Variants in NOTCH1 observed in about 807,000 individuals in gnomAD.
NOTCH1 encodes notch receptor 1.
In NOTCH1, 37 loss-of-function variants were observed where a neutral mutation model predicts 254.8. The observed-to-expected ratio is 0.15, with a 90% CI of 0.11 to 0.19. The LOEUF (loss-of-function observed/expected upper bound fraction) is 0.19, where lower values mean the gene tolerates loss of function less well. Among genes scored for constraint, NOTCH1 ranks in the 10% least tolerant of loss-of-function variants. The probability of loss-of-function intolerance (pLI) is 1.00; values close to 1 mark genes in which losing one functional copy is unlikely to be tolerated. For missense variants in NOTCH1, 2,972 were observed against 3,708.6 expected, an observed-to-expected ratio of 0.80 and a Z score of 5.16; for synonymous variants, 1,731 against 1,618.1, an observed-to-expected ratio of 1.07 and a Z score of -1.68.
chr9:136,524,137 T>C (rs574449260), intron 2 of NOTCH1, among the ~76,000 whole-genome samples, 158 bp from the exon 3 acceptor site: 3 of 152,262 alleles, frequency 2.0e-5, no homozygotes, highest in South Asian at 2.1e-4. Context: ...GCTGATAAAA[T>C]GTTCTGGAAC....
At chr9:136,505,994 C>T (rs559654603) in intron 24 of NOTCH1, 113 bp from the exon 25 acceptor site, 14 of 923,414 alleles carry the variant, frequency 1.5e-5, no homozygotes, top group African/African-American at 8.3e-5. Flanking sequence ...ACCTGGGAGG[C>T]GGCCTGCAAC....
chr9:136,541,104 C>T (rs1283353658), intron 2 of NOTCH1, among the ~76,000 whole-genome samples: 2 of 152,248 alleles, frequency 1.3e-5, no homozygotes, highest in East Asian at 1.9e-4. Context: ...CCACCATCTC[C>T]GACCACAGCC....
rs1166413349 is a variant in NOTCH1 at position 136,509,729 on chromosome 9, A to G, written c.2969+4T>C. The G allele has an allele frequency of 6.2e-7, 1 of 1,612,390 alleles. No homozygotes were observed. The highest frequency in any genetic ancestry group is 2.2e-5 in the East Asian group (1 of 44,874). On this transcript the variant is annotated splice_donor_region_variant and intron_variant, in intron 18 of 33. Transcript: ENST00000651671. ...TTCCACGGCCTCACTCGAGCCCCGC[A>G]CACCTCTCTGTGCAGTCAGGCGTGT... is the stretch of plus-strand genomic sequence containing the variant.
At position 136,540,659 on chromosome 9, in the gene NOTCH1, C is replaced by A. The variant is rs1564214056; in HGVS notation, c.140+3365G>T. Among the ~76,000 whole-genome samples the A allele has an allele frequency of 6.6e-6, 1 of 152,008 alleles. No homozygotes were observed. Among genetic ancestry groups the A allele is most frequent in the Admixed American group, 6.5e-5 (1 of 15,270 alleles). ...GCTGGGGAAACTGAGGCTTGCATGA[C>A]CTGATGACCCAAGGTCACAGAGCTA... On this transcript the variant is annotated intron_variant, in intron 2 of 33. Transcript: ENST00000651671. The surrounding 1 kb of genome is among the most constrained non-coding windows in gnomAD (Gnocchi z 4.4).
At chr9:136,521,583 T>C (rs780240682) in intron 4 of NOTCH1, among the ~76,000 whole-genome samples, 1 of 151,996 alleles carries the variant, frequency 6.6e-6, no homozygotes, top group Non-Finnish European at 1.5e-5. Context: ...CCTCAATCCG[T>C]GTGACTGGAG....
intron 2 of NOTCH1, among the ~76,000 whole-genome samples, chr9:136,537,979 G>A (rs1843679797): frequency 6.6e-6 from 1 of 152,200 alleles, no homozygotes. Flanking sequence ...TGTAGTCCCA[G>A]CTACTCAGGA....
intron 4 of NOTCH1, 130 bp downstream of exon 4, chr9:136,522,720 C>T (rs1843391905): frequency 1.1e-6 from 1 of 894,252 alleles, no homozygotes; most frequent in African/African-American, 1.7e-5. Context: ...GGGGAACTCG[C>T]CATCCCGCCT....
At chr9:136,509,511 G>A (rs1843143583) in intron 18 of NOTCH1, among the ~76,000 whole-genome samples, 1 of 152,210 alleles carries the variant, frequency 6.6e-6, no homozygotes, top group African/African-American at 2.4e-5. Context: ...AGTTCTTCAG[G>A]ACAGACTACC....
At position 136,496,530 on chromosome 9, in the gene NOTCH1, C is replaced by T. The variant is rs61751486; in HGVS notation, c.7209G>A (p.Gln2403=). Residue 2403 remains glutamine, a synonymous_variant, in exon 34 of 34, where the codon CAG becomes CAA. Coordinates refer to ENST00000651671, the MANE Select transcript of NOTCH1 (RefSeq NM_017617.5). The part of the protein sequence containing the change: ...QQQNLQPANI[Q]QQQSLQPPPP... ...GTGGCGGCTGCAGGCTTTGCTGCTGCTGGATGTTTGCTGGCTGCAGGTTCT... is the reference window on the plus strand; with the variant it reads ...GTGGCGGCTGCAGGCTTTGCTGCTGTTGGATGTTTGCTGGCTGCAGGTTCT... 1,336 of 1,606,818 alleles carry T rather than the reference C, an allele frequency of 8.3e-4. 7 individuals are homozygous for T. In the African/African-American group the frequency reaches 0.016, roughly 19 times the overall value.
chr9:136,535,223 G>A (rs1481881967), intron 2 of NOTCH1, among the ~76,000 whole-genome samples: 1 of 151,940 alleles, frequency 6.6e-6, no homozygotes, highest in Non-Finnish European at 1.5e-5. Context: ...CCCAGCGGGT[G>A]CAGCCAGGTG....
rs993132417 is a variant in NOTCH1 at position 136,495,021 on chromosome 9, C to G, written c.*1050G>C. The G allele has an allele frequency of 2.5e-6, 1 of 398,850 alleles. No homozygotes were observed. The highest frequency in any genetic ancestry group is 2.1e-5 in the African/African-American group (1 of 48,624). 24.7% of individuals were successfully genotyped at this position (398,850 alleles called of 1,614,324 possible). The stretch of plus-strand genomic sequence containing the variant: ...AATGTGCCCGGCTCTGGCAAGTCTC[C>G]TACAAAACACGGGAGCCCACGGGGG... On this transcript the variant is annotated 3_prime_UTR_variant, in exon 34 of 34. Coordinates refer to ENST00000651671, the MANE Select transcript of NOTCH1 (RefSeq NM_017617.5).
chr9:136,515,599 G>A lies in NOTCH1; in HGVS notation c.1787C>T (p.Thr596Met), dbSNP rs61755997. Residue 596 changes from threonine (T) to methionine (M), a missense_variant, in exon 11 of 34, where the codon ACG becomes ATG. By Grantham distance (81) the Thr-to-Met change is moderately conservative. Transcript: ENST00000651671. ...GATGTTGGTCTCGCAGTGGTGGCCC[G>A]TGTAGCCTGGGCGGCAGAGGCAGGT... ...TFTCLCRPGYTGHHCETNINE... is the reference protein window; with the variant it reads ...TFTCLCRPGYMGHHCETNINE... The A allele has an allele frequency of 1.7e-4, 274 of 1,609,616 alleles. 2 individuals are homozygous for A. The highest frequency in any genetic ancestry group is 4.9e-4 in the African/African-American group (37 of 75,018).
intron 4 of NOTCH1, among the ~76,000 whole-genome samples, chr9:136,522,298 TCTTC>T (rs1452536307): frequency 4.6e-5 from 7 of 152,122 alleles, no homozygotes; most frequent in African/African-American, 1.2e-4. Context: ...TTTTCAAAAC[TCTTC>T]CTTATTTTTA....
Position 136,497,204 on chromosome 9 carries a change from G to A in NOTCH1, c.6535C>T (p.Arg2179Trp), listed in dbSNP as rs768400804. 2.9e-5 allele frequency: 46 copies of A among 1,612,696 alleles called. No individual in the cohort carries two copies. The highest frequency in any genetic ancestry group is 3.7e-5 in the Non-Finnish European group (44 of 1,179,980). Reference sequence around the variant, plus strand: ...TTGCCGTCCTGGGACTTCTTCCTCCGTGCCTTGAGGTCCTTGGCCTCCTTG... The same window carrying A: ...TTGCCGTCCTGGGACTTCTTCCTCCATGCCTTGAGGTCCTTGGCCTCCTTG... ...GSKEAKDLKA[R>W]RKKSQDGKGC... is the part of the protein sequence containing the mutation. Residue 2179 changes from arginine (R) to tryptophan (W), a missense_variant, in exon 34 of 34, where the codon CGG becomes TGG. By Grantham distance (101) the Arg-to-Trp change is moderately radical. Around this residue, in one of 8 missense-constraint regions of NOTCH1, gnomAD observed 529 missense variants for 529.2 expected, o/e 1.00. Transcript: ENST00000651671.
In NOTCH1 at chr9:136,515,669, C is replaced by T. The variant is rs781682670; in HGVS notation, c.1717G>A (p.Asp573Asn). The T allele has an allele frequency of 5.7e-6, 9 of 1,568,776 alleles. No homozygotes were observed. The highest frequency in any genetic ancestry group is 1.8e-5 in the Admixed American group (1 of 54,138). Residue 573 changes from aspartate to asparagine, a missense_variant, in exon 11 of 34, where the codon GAC becomes AAC. Around this residue, in one of 8 missense-constraint regions of NOTCH1, gnomAD observed 128 missense variants for 193.8 expected, o/e 0.66. Transcript: ENST00000651671. The part of the protein sequence containing the change: ...CEVDIDECDP[D>N]PCHYGSCKDG... ...TTGCAGGAGCCGTAGTGGCAGGGGT[C>T]GGGGTCGCACTCATCGATGTCCACC...
chr9:136,545,665 G>GC lies in NOTCH1; in HGVS notation c.61+60dup. 1 of 1,353,958 alleles carries GC rather than the reference G, an allele frequency of 7.4e-7. No homozygotes were observed. The highest frequency in any genetic ancestry group is 9.8e-7 in the Non-Finnish European group (1 of 1,023,718). The allele number at this position is 1,353,958 out of a possible 1,614,324, so 83.9% of individuals were successfully genotyped here. A position where few individuals can be genotyped will look rare whatever the true frequency, so the allele number is the denominator to read the frequency against. On this transcript the variant is annotated intron_variant, in intron 1 of 33. Transcript: ENST00000651671. This position sits in a 1 kb window ranked among gnomAD's most constrained non-coding sequence, Gnocchi z 6.8. ...CCCAGCCGTGGGGCGCGCGCGCCGG[G>GC]CGCCGCCAAAGTTTCCAAAGGGCGC...
chr9:136,508,076 T>A lies in NOTCH1; in HGVS notation c.3389A>T (p.His1130Leu). ...TGTGTAGCCCGCCTGGCAGCGGCAG[T>A]GGTGCGTGTTGCCCGCGTCCACACA... ...GLCVDAGNTHHCRCQAGYTGS... is the reference protein window; with the variant it reads ...GLCVDAGNTHLCRCQAGYTGS... Residue 1130 changes from histidine (H) to leucine (L), a missense_variant, in exon 21 of 34, where the codon CAC becomes CTC. Coordinates refer to ENST00000651671, the MANE Select transcript of NOTCH1 (RefSeq NM_017617.5). 6.2e-7 allele frequency: 1 copy of A among 1,610,406 alleles called. No individual in the cohort carries two copies. Among genetic ancestry groups the A allele is most frequent in the Non-Finnish European group, 8.5e-7 (1 of 1,179,942 alleles).
At chr9:136,542,151 G>T (rs557764814) in intron 2 of NOTCH1, among the ~76,000 whole-genome samples, 1 of 152,212 alleles carries the variant, frequency 6.6e-6, no homozygotes, top group Non-Finnish European at 1.5e-5. Context: ...AAAGCACAGC[G>T]CTCTGGCCCA....
At chr9:136,506,000 G>A (rs1444697059) in intron 24 of NOTCH1, 119 bp from the exon 25 acceptor site, 7 of 860,128 alleles carry the variant, frequency 8.1e-6, no homozygotes, top group Non-Finnish European at 1.2e-5. Context: ...GAGGCGGCCT[G>A]CAACCTTGCC....
Sources: gnomAD v4.1 joint callset for allele counts (sites outside exome capture counted in the v4.1 genomes callset) on GRCh38, gnomAD v4.1.1 for gene constraint, gnomAD v4.1.1 regional missense constraint, Gnocchi (gnomAD v3.1) non-coding constraint, MANE v1.5 for transcripts, NCBI Gene and HGNC (gene_info 2026-07-23, HGNC 2026-07-21) for gene names.